The following LIN28B variants were observed in gnomAD, a reference collection of about 807,000 sequenced individuals.
The protein encoded by LIN28B is lin-28 RNA binding posttranscriptional regulator B.
LIN28B carries 5 observed loss-of-function variants against 21.9 expected under a neutral mutation model. The observed-to-expected ratio is 0.23, with a 90% CI of 0.12 to 0.48. LIN28B has a LOEUF of 0.48. Ranked by LOEUF, LIN28B falls within the 20% of genes least tolerant of loss-of-function variation. LIN28B has a pLI of 0.98. For synonymous variants in LIN28B, 109 were observed against 111.3 expected, an observed-to-expected ratio of 0.98 and a Z score of 0.13; for missense variants, 245 against 310.5, an observed-to-expected ratio of 0.79 and a Z score of 1.58.
At chr6:104,996,331 G>A (rs1290878880) in intron 2 of LIN28B, among the ~76,000 whole-genome samples, 1 of 152,172 alleles carries the variant, frequency 6.6e-6, no homozygotes, top group Non-Finnish European at 1.5e-5. Context: ...TTTCTGGTTT[G>A]GACAGTGTTC....
chr6:105,046,074 T>G (rs1309394012), intron 3 of LIN28B, among the ~76,000 whole-genome samples: 1 of 152,212 alleles, frequency 6.6e-6, no homozygotes, highest in Non-Finnish European at 1.5e-5. Context: ...CGTGCAGGTT[T>G]GTTACATATG....
intron 3 of LIN28B, among the ~76,000 whole-genome samples, chr6:105,027,687 T>C (rs760811029): frequency 6.6e-5 from 10 of 152,070 alleles, no homozygotes; most frequent in Non-Finnish European, 1.0e-4. Flanking sequence ...CTTTATTTCA[T>C]TTTCCAAACT....
At chr6:104,940,202 T>C (rs1778061901) in intron 2 of LIN28B, 1 of 169,174 alleles carries the variant, frequency 5.9e-6, no homozygotes, top group Non-Finnish European at 1.5e-5. Flanking sequence ...TTCGGAATGA[T>C]GTCCAGGGCA....
intron 2 of LIN28B, among the ~76,000 whole-genome samples, chr6:105,025,187 C>CTAAG (rs1457931848): frequency 6.6e-6 from 1 of 152,114 alleles, no homozygotes; most frequent in Non-Finnish European, 1.5e-5. Flanking sequence ...TGGACTTGAA[C>CTAAG]TAAGGACTTC....
chr6:105,019,824 AT>A (rs1449969474), intron 2 of LIN28B, among the ~76,000 whole-genome samples: 1 of 152,038 alleles, frequency 6.6e-6, no homozygotes, highest in African/African-American at 2.4e-5. Context: ...CTAGTTTGTC[AT>A]TTTGATGGCT....
chr6:105,057,626 AATTT>A (rs1315485119), intron 3 of LIN28B, among the ~76,000 whole-genome samples: 1 of 152,172 alleles, frequency 6.6e-6, no homozygotes, highest in African/African-American at 2.4e-5. Context: ...GCTTAAAGCC[AATTT>A]ATTTATCATA....
At chr6:104,953,344 C>T (rs1428410795), upstream of LIN28B, among the ~76,000 whole-genome samples, 3 of 152,096 alleles carry the variant, frequency 2.0e-5, no homozygotes, top group African/African-American at 7.2e-5. Context: ...TTCTTGGGTT[C>T]GGATTCCCTC....
At chr6:105,043,161 T>C (rs1771671878) in intron 3 of LIN28B, among the ~76,000 whole-genome samples, 1 of 151,914 alleles carries the variant, frequency 6.6e-6, no homozygotes, top group Non-Finnish European at 1.5e-5. Flanking sequence ...ACGTTATGGC[T>C]CATGCCTATA....
intron 3 of LIN28B, among the ~76,000 whole-genome samples, chr6:105,063,007 G>T (rs1205898760): frequency 6.6e-6 from 1 of 151,964 alleles, no homozygotes; most frequent in Non-Finnish European, 1.5e-5. Flanking sequence ...ATACTGTCAC[G>T]TGTTCTTTTA....
At chr6:105,053,669 C>T (rs1291760166) in intron 3 of LIN28B, among the ~76,000 whole-genome samples, 2 of 146,540 alleles carry the variant, frequency 1.4e-5, no homozygotes, top group Admixed American at 6.8e-5. Flanking sequence ...GTGATATAGC[C>T]ACACCAACTT....
At chr6:104,945,366 A>C (rs1012172713) in intron 2 of LIN28B, among the ~76,000 whole-genome samples, 7 of 152,012 alleles carry the variant, frequency 4.6e-5, no homozygotes, top group South Asian at 2.1e-4. Context: ...CAAAGTTCTC[A>C]TTTACTTGTT....
chr6:104,985,642 T>G (rs1233685301), intron 2 of LIN28B, among the ~76,000 whole-genome samples: 1 of 152,160 alleles, frequency 6.6e-6, no homozygotes, highest in Non-Finnish European at 1.5e-5. Context: ...CAATTTATAT[T>G]TTATATTATA....
rs948337937 is a variant in LIN28B at position 105,058,166 on chromosome 6, C to T, written c.384-20248C>T. 13 of 293,274 alleles carry T rather than the reference C, an allele frequency of 4.4e-5. 1 individual carries two copies. In the Admixed American group the frequency reaches 5.2e-4, roughly 12 times the overall value. 18.2% of individuals were successfully genotyped at this position (293,274 alleles called of 1,614,324 possible). ...TAGAGGTACTTGTACCAACTGGGAACCATTTAAAAAGAAATTCTCAGCTTG... is the reference window on the plus strand; with the variant it reads ...TAGAGGTACTTGTACCAACTGGGAATCATTTAAAAAGAAATTCTCAGCTTG... On this transcript the variant is annotated intron_variant, in intron 3 of 3. Transcript: ENST00000345080.
At chr6:105,046,942 A>G (rs1771780928) in intron 3 of LIN28B, among the ~76,000 whole-genome samples, 1 of 152,076 alleles carries the variant, frequency 6.6e-6, no homozygotes, top group Admixed American at 6.6e-5. Flanking sequence ...AGTAGATTGC[A>G]AAAATTTTCT....
intron 2 of LIN28B, among the ~76,000 whole-genome samples, chr6:105,013,191 A>G (rs1299430468): frequency 6.6e-6 from 1 of 151,844 alleles, no homozygotes; most frequent in Non-Finnish European, 1.5e-5. Flanking sequence ...TTGTATTTTT[A>G]GTAGAGACAG....
chr6:105,019,952 T>C (rs1358323145), intron 2 of LIN28B, among the ~76,000 whole-genome samples: 1 of 152,154 alleles, frequency 6.6e-6, no homozygotes, highest in Non-Finnish European at 1.5e-5. Flanking sequence ...GAATCAGTTA[T>C]TAAACTGTAG....
chr6:104,963,168 T>A (rs1769784865), intron 2 of LIN28B, among the ~76,000 whole-genome samples: 1 of 152,160 alleles, frequency 6.6e-6, no homozygotes, highest in Non-Finnish European at 1.5e-5. Context: ...TGCTTCAGCC[T>A]CCTGAGTAGC....
At chr6:104,981,986 T>C (rs1048550072) in intron 2 of LIN28B, among the ~76,000 whole-genome samples, 1 of 152,102 alleles carries the variant, frequency 6.6e-6, no homozygotes, top group African/African-American at 2.4e-5. Context: ...TGTTTGTGCA[T>C]AGTGATGATA....
intron 2 of LIN28B, among the ~76,000 whole-genome samples, chr6:104,995,790 A>G (rs941416286): frequency 2.6e-5 from 4 of 152,162 alleles, no homozygotes; most frequent in Admixed American, 6.5e-5. Flanking sequence ...AAATAAATAC[A>G]TGTAATAAGA....
Sources: allele counts gnomAD v4.1 joint callset (sites outside exome capture counted in the v4.1 genomes callset), GRCh38; gene constraint gnomAD v4.1.1; transcripts MANE v1.5; gene names NCBI Gene and HGNC (gene_info 2026-07-23, HGNC 2026-07-21).